Variants in AGTPBP1 observed in about 807,000 individuals in gnomAD.
The protein encoded by AGTPBP1 is cytosolic carboxypeptidase 1.
Under a neutral mutation model 143.9 loss-of-function variants are expected in AGTPBP1, and 70 were observed. The observed-to-expected ratio is 0.49, with a 90% CI of 0.40 to 0.59. The LOEUF (loss-of-function observed/expected upper bound fraction) is 0.59, where lower values mean the gene tolerates loss of function less well. Among genes scored for constraint, AGTPBP1 ranks in the 20% least tolerant of loss-of-function variants. AGTPBP1 has a pLI of 0.00. For synonymous variants in AGTPBP1, 463 were observed against 500.2 expected (o/e 0.93, Z 0.99); for missense variants, 1,229 against 1,464.5 (o/e 0.84, Z 2.62).
At chr9:85,595,365 C>G (rs545711392) in intron 18 of AGTPBP1, among the ~76,000 whole-genome samples, 1 of 152,082 alleles carries the variant, frequency 6.6e-6, no homozygotes, top group Non-Finnish European at 1.5e-5. Context: ...AACAAGGGTG[C>G]CAAGTGGAAT....
the AGTPBP1 span, among the ~76,000 whole-genome samples, chr9:85,749,884 C>T: frequency 2.7e-5 from 2 of 74,390 alleles, no homozygotes; most frequent in Non-Finnish European, 4.9e-5. Context: ...CTCCTGTATC[C>T]CTTTTTTTTT....
intron 3 of AGTPBP1, among the ~76,000 whole-genome samples, chr9:85,683,877 C>T (rs1413165663): frequency 6.6e-6 from 1 of 152,060 alleles, no homozygotes. Flanking sequence ...TGTGAGGTAG[C>T]ACTGTTTTCC....
chr9:85,782,297 C>T, the AGTPBP1 span, among the ~76,000 whole-genome samples: 2 of 152,060 alleles, frequency 1.3e-5, no homozygotes, highest in Non-Finnish European at 2.9e-5. Context: ...GGTGGATCAC[C>T]GGAGGGTAGG....
At position 85,669,585 on chromosome 9, in the gene AGTPBP1, G is replaced by C. The variant is rs767587564; in HGVS notation, c.569-7C>G. The C allele has an allele frequency of 3.1e-6, 5 of 1,596,158 alleles. No homozygotes were observed. In the Admixed American group the frequency reaches 6.7e-5, roughly 22 times the overall value. ...AAGGATACTGAATTCACAGCTGAGA[G>C]GGGGAGAAAGAGATGCAAAATTATT... is the stretch of plus-strand genomic sequence containing the variant. On this transcript the variant is annotated splice_polypyrimidine_tract_variant and splice_region_variant and intron_variant, in intron 7 of 25. Coordinates refer to ENST00000357081, the MANE Select transcript of AGTPBP1 (RefSeq NM_001330701.2).
At chr9:85,552,786 AC>A (rs1302002088) in intron 25 of AGTPBP1, among the ~76,000 whole-genome samples, 2 of 152,154 alleles carry the variant, frequency 1.3e-5, no homozygotes, top group Admixed American at 1.3e-4. Flanking sequence ...GCACCTCAGA[AC>A]CCTCCTTTAA....
At position 85,575,475 on chromosome 9, in the gene AGTPBP1, C is replaced by T. The variant is rs775410446; in HGVS notation, c.3343G>A (p.Gly1115Ser). ...AGTTCTCGGGTACCAATCTGTAAAC[C>T]CTTGAAATAAACAAATATTATGCAT... The part of the protein sequence containing the change: ...LCGCDQGKYK[G>S]LQIGTRELEE... Residue 1115 changes from glycine to serine, a missense_variant and splice_region_variant, in exon 25 of 26, where the codon GGT becomes AGT. Gly to Ser is a moderately conservative substitution (Grantham distance 56). This residue lies in a region of AGTPBP1 where 486 missense variants were observed against 652.3 expected (regional missense o/e 0.75). Coordinates refer to ENST00000357081, the MANE Select transcript of AGTPBP1 (RefSeq NM_001330701.2). The T allele has an allele frequency of 1.3e-6, 2 of 1,596,034 alleles. No individual in the cohort carries two copies. Among genetic ancestry groups the T allele is most frequent in the Non-Finnish European group, 1.7e-6 (2 of 1,175,216 alleles).
the AGTPBP1 span, among the ~76,000 whole-genome samples, chr9:85,748,750 T>G: frequency 6.6e-6 from 1 of 152,214 alleles, no homozygotes; most frequent in Non-Finnish European, 1.5e-5. Flanking sequence ...TCATTTCTTC[T>G]GCCAACAACT....
chr9:85,557,012 C>T (rs10117169), intron 25 of AGTPBP1, among the ~76,000 whole-genome samples: 35,665 of 152,056 alleles, frequency 0.23, 6,208 homozygotes, highest in East Asian at 0.49. Context: ...ATACATTCTT[C>T]TCTAATATGA....
intron 22 of AGTPBP1, 34 bp from the exon 23 acceptor site, chr9:85,585,628 T>G (rs778789854): frequency 6.6e-7 from 1 of 1,518,136 alleles, no homozygotes; most frequent in Non-Finnish European, 8.8e-7. Flanking sequence ...TTAAAAGACT[T>G]CAAGTTCATA....
At chr9:85,651,066 A>C (rs536789551) in intron 11 of AGTPBP1, among the ~76,000 whole-genome samples, 72 of 152,270 alleles carry the variant, frequency 4.7e-4, no homozygotes, top group African/African-American at 1.7e-3. Flanking sequence ...TTTTAACCCA[A>C]TCTGGGAGTC....
intron 18 of AGTPBP1, 101 bp from the exon 19 acceptor site, chr9:85,592,805 C>A (rs1288517665): frequency 7.8e-6 from 11 of 1,411,868 alleles, no homozygotes; most frequent in Non-Finnish European, 9.7e-6. Flanking sequence ...AAGAAAAACC[C>A]GAGTCTGTAA....
At chr9:85,561,880 T>C (rs1240237389) in intron 25 of AGTPBP1, among the ~76,000 whole-genome samples, 3 of 150,744 alleles carry the variant, frequency 2.0e-5, no homozygotes, top group Non-Finnish European at 4.4e-5. Flanking sequence ...TCACCCAAGC[T>C]GGAGTGCAGT....
the AGTPBP1 span, among the ~76,000 whole-genome samples, chr9:85,801,947 T>C: frequency 7.7e-4 from 118 of 152,304 alleles, 1 homozygote; most frequent in African/African-American, 2.5e-3. Flanking sequence ...TATATATGTA[T>C]GTATGTATGT....
At chr9:85,572,163 A>T (rs1285089637) in intron 25 of AGTPBP1, among the ~76,000 whole-genome samples, 1 of 151,478 alleles carries the variant, frequency 6.6e-6, no homozygotes, top group Non-Finnish European at 1.5e-5. Context: ...AGTAGCTGGG[A>T]CTACAAGCGC....
chr9:85,614,680 T>C (rs896398400), intron 17 of AGTPBP1, among the ~76,000 whole-genome samples: 1 of 152,092 alleles, frequency 6.6e-6, no homozygotes, highest in Non-Finnish European at 1.5e-5. Flanking sequence ...TACAGGATGT[T>C]AGACTATATT....
chr9:85,777,103 T>C, the AGTPBP1 span, among the ~76,000 whole-genome samples: 1 of 152,110 alleles, frequency 6.6e-6, no homozygotes, highest in Non-Finnish European at 1.5e-5. Context: ...GAATGACCAG[T>C]GAATCCCATG....
chr9:85,640,072 A>T (rs2133798909), intron 13 of AGTPBP1, among the ~76,000 whole-genome samples: 1 of 152,364 alleles, frequency 6.6e-6, no homozygotes, highest in Non-Finnish European at 1.5e-5. Context: ...AAGTGGAAAA[A>T]GTCATAATTG....
At chr9:85,725,238 C>T (rs1357287418) in intron 1 of AGTPBP1, among the ~76,000 whole-genome samples, 1 of 152,042 alleles carries the variant, frequency 6.6e-6, no homozygotes, top group Non-Finnish European at 1.5e-5. Context: ...GGATTCTCAA[C>T]CTGGAGTCCA....
chr9:85,715,219 C>G (rs1450945309), intron 1 of AGTPBP1, among the ~76,000 whole-genome samples: 1 of 151,130 alleles, frequency 6.6e-6, no homozygotes, highest in Non-Finnish European at 1.5e-5. Context: ...GCACTCCAGC[C>G]CGGGTGACAG....
Sources: allele counts gnomAD v4.1 joint callset (sites outside exome capture counted in the v4.1 genomes callset), GRCh38; gene constraint gnomAD v4.1.1; regional missense constraint gnomAD v4.1.1; transcripts MANE v1.5; gene names NCBI Gene and HGNC (gene_info 2026-07-23, HGNC 2026-07-21).